NREP: variants seen among roughly 807,000 people sequenced by gnomAD.
NREP encodes the protein neuronal regeneration-related protein.
Under a neutral mutation model 8.6 loss-of-function variants are expected in NREP, and 5 were observed. The observed-to-expected ratio is 0.58, with a 90% CI of 0.30 to 1.22. The LOEUF is 1.22. NREP is among the 50% of genes most tolerant of loss of function. NREP has a pLI of 0.07. For synonymous variants in NREP, 27 were observed against 28.0 expected (o/e 0.96, Z 0.11); for missense variants, 86 against 82.5 (o/e 1.04, Z -0.17).
At chr5:111,809,369 G>C (rs1329238560) in intron 2 of NREP, among the ~76,000 whole-genome samples, 1 of 152,192 alleles carries the variant, frequency 6.6e-6, no homozygotes, top group Admixed American at 6.5e-5. Context: ...GTCAGCTACT[G>C]TTTGAGTGTG....
At chr5:111,802,319 G>C (rs920139617) in intron 2 of NREP, among the ~76,000 whole-genome samples, 2 of 126,580 alleles carry the variant, frequency 1.6e-5, no homozygotes, top group African/African-American at 6.9e-5. Flanking sequence ...AGTATAGCAA[G>C]GAGACTGTTT....
rs1317428438 is a variant in NREP at position 111,729,611 on chromosome 5, A to C, written c.*1310T>G. 1 of 152,680 alleles carries C rather than the reference A, an allele frequency of 6.5e-6. No homozygotes were observed. The highest frequency in any genetic ancestry group is 1.9e-4 in the East Asian group (1 of 5,196). The allele number at this position is 152,680 out of a possible 1,614,324, so 9.5% of individuals were successfully genotyped here. ...TGCGTCATCGGTGTTTAACAGTCAG[A>C]AGCGAAACAGTTCAGAACAAGGCCT... is the stretch of plus-strand genomic sequence containing the variant. On this transcript the variant is annotated 3_prime_UTR_variant, in exon 4 of 4. Transcript: ENST00000257435.
chr5:111,795,277 C>G (rs1231886088), intron 2 of NREP, among the ~76,000 whole-genome samples: 1 of 152,150 alleles, frequency 6.6e-6, no homozygotes, highest in Non-Finnish European at 1.5e-5. Flanking sequence ...GACTGGCTGC[C>G]TCAGGTGTAT....
intron 2 of NREP, among the ~76,000 whole-genome samples, chr5:111,874,018 T>C (rs1049270231): frequency 7.9e-5 from 12 of 151,900 alleles, no homozygotes; most frequent in African/African-American, 2.4e-5. Context: ...GGGTGAGTGA[T>C]TGTTATTCTG....
chr5:111,953,484 A>G (rs1756222904), intron 2 of NREP, among the ~76,000 whole-genome samples: 1 of 152,120 alleles, frequency 6.6e-6, no homozygotes, highest in African/African-American at 2.4e-5. Flanking sequence ...GTCATCACCA[A>G]AAACTTCTTT....
intron 2 of NREP, among the ~76,000 whole-genome samples, chr5:111,819,394 A>G (rs1331748100): frequency 6.6e-6 from 1 of 152,192 alleles, no homozygotes; most frequent in African/African-American, 2.4e-5. Context: ...TGTGTCAGGA[A>G]TAAGAACCCC....
At chr5:111,860,907 A>G (rs898382175) in intron 2 of NREP, among the ~76,000 whole-genome samples, 6 of 152,150 alleles carry the variant, frequency 3.9e-5, no homozygotes, top group Admixed American at 2.6e-4. Context: ...CATTTCAACA[A>G]TGATTGCTCT....
intron 2 of NREP, among the ~76,000 whole-genome samples, chr5:111,909,882 G>T (rs775029969): frequency 5.3e-5 from 8 of 152,044 alleles, no homozygotes; most frequent in Non-Finnish European, 1.0e-4. Context: ...TGCTGTCGCT[G>T]CATTATCATC....
chr5:111,957,645 C>T (rs542968140), intron 2 of NREP, among the ~76,000 whole-genome samples: 2 of 151,484 alleles, frequency 1.3e-5, no homozygotes, highest in Non-Finnish European at 3.0e-5. Flanking sequence ...AACATGAATG[C>T]AAAATTTTTA....
At chr5:111,956,090 T>C (rs1243874958) in intron 2 of NREP, among the ~76,000 whole-genome samples, 1 of 151,920 alleles carries the variant, frequency 6.6e-6, no homozygotes, top group Non-Finnish European at 1.5e-5. Context: ...ACCTAAGAAG[T>C]TGCCAAGGAA....
chr5:111,797,466 G>C (rs1235320368), intron 2 of NREP, among the ~76,000 whole-genome samples: 1 of 152,168 alleles, frequency 6.6e-6, no homozygotes, highest in African/African-American at 2.4e-5. Flanking sequence ...GACCTTACAA[G>C]TATCATGTTC....
At chr5:111,860,820 A>C (rs1047830735) in intron 2 of NREP, among the ~76,000 whole-genome samples, 2 of 152,220 alleles carry the variant, frequency 1.3e-5, no homozygotes, top group African/African-American at 2.4e-5. Context: ...AGAATCAAAT[A>C]AACAAATCTT....
intron 2 of NREP, among the ~76,000 whole-genome samples, chr5:111,805,105 G>A (rs1188163908): frequency 6.7e-6 from 1 of 150,304 alleles, no homozygotes. Flanking sequence ...CCTAAAAAAA[G>A]GTTCAGCTTC....
intron 2 of NREP, among the ~76,000 whole-genome samples, chr5:111,950,442 C>A (rs1756122681): frequency 6.6e-6 from 1 of 152,086 alleles, no homozygotes; most frequent in South Asian, 2.1e-4. Flanking sequence ...ACCTTAAAAA[C>A]CCTGGGAGAA....
intron 2 of NREP, among the ~76,000 whole-genome samples, chr5:111,973,114 G>T (rs1030901546): frequency 6.6e-6 from 1 of 152,102 alleles, no homozygotes; most frequent in African/African-American, 2.4e-5. Flanking sequence ...CATCTTAGGA[G>T]CACAACAGGA....
Position 111,790,792 on chromosome 5 carries a change from C to A in NREP, c.136-55285G>T, listed in dbSNP as rs566557270. Among the ~76,000 whole-genome samples, 7 of 152,062 alleles carry A rather than the reference C, an allele frequency of 4.6e-5. No homozygotes were observed. In the South Asian group the frequency reaches 1.5e-3, roughly 32 times the overall value. On this transcript the variant is annotated intron_variant, in intron 2 of 3. Coordinates refer to the NREP transcript ENST00000395634. ...GTTATTTAGGATATATTGTTGAGTA[C>A]AAATGACACTTGAACAACACAGGTT...
intron 2 of NREP, among the ~76,000 whole-genome samples, chr5:111,908,044 T>A (rs1581208549): frequency 6.6e-6 from 1 of 152,032 alleles, no homozygotes; most frequent in African/African-American, 2.4e-5. Context: ...TTTTGGAAAA[T>A]GAATGATGAC....
chr5:111,816,773 A>G (rs1163106964), intron 2 of NREP, among the ~76,000 whole-genome samples: 1 of 151,730 alleles, frequency 6.6e-6, no homozygotes. Context: ...TAAACTGAAT[A>G]TATCACAATT....
At chr5:111,756,313 C>CCTACA in intron 1 of NREP, 2 of 200,166 alleles carry the variant, frequency 1.0e-5, no homozygotes, top group Non-Finnish European at 1.4e-5. Flanking sequence ...AAAAAAAAAA[C>CCTACA]CCTACACGGC....
Sources: allele counts gnomAD v4.1 joint callset (sites outside exome capture counted in the v4.1 genomes callset), GRCh38; gene constraint gnomAD v4.1.1; transcripts MANE v1.5; gene names NCBI Gene and HGNC (gene_info 2026-07-23, HGNC 2026-07-21).